TBC1D22A: variants seen among roughly 807,000 people sequenced by gnomAD.
TBC1D22A encodes putative GTPase activator.
In TBC1D22A, 38 loss-of-function variants were observed where a neutral mutation model predicts 60.2. The ratio of observed to expected loss-of-function variants is 0.63; its 90% confidence interval spans 0.49 to 0.83. TBC1D22A has a LOEUF of 0.83. TBC1D22A is among the 40% of genes least tolerant of loss of function. The pLI is 0.00. For missense variants in TBC1D22A, 628 were observed against 701.0 expected, an observed-to-expected ratio of 0.90 and a Z score of 1.18; for synonymous variants, 302 against 281.7, an observed-to-expected ratio of 1.07 and a Z score of -0.72.
intron 1 of TBC1D22A, among the ~76,000 whole-genome samples, chr22:46,769,250 A>T (rs1423199117): frequency 1.3e-5 from 2 of 152,208 alleles, no homozygotes; most frequent in Admixed American, 6.5e-5. Flanking sequence ...CAGAGCCACG[A>T]GATGTCTGTG....
intron 11 of TBC1D22A, among the ~76,000 whole-genome samples, chr22:47,092,031 A>G (rs867525628): frequency 1.3e-5 from 2 of 152,182 alleles, no homozygotes; most frequent in African/African-American, 4.8e-5. Context: ...TTGGAAGCTG[A>G]GGCAGGGACT....
At chr22:46,915,249 G>A (rs1022674823) in intron 8 of TBC1D22A, 3 of 365,176 alleles carry the variant, frequency 8.2e-6, no homozygotes, top group East Asian at 7.3e-5. Context: ...CCAGGGACCC[G>A]CAGGGTCCAG....
At chr22:46,897,277 A>G (rs2068726425) in intron 7 of TBC1D22A, among the ~76,000 whole-genome samples, 1 of 152,068 alleles carries the variant, frequency 6.6e-6, no homozygotes, top group African/African-American at 2.4e-5. Context: ...GGGTTTAAAT[A>G]CCCTCTAGAG....
At chr22:46,953,164 T>A (rs1253574357) in intron 8 of TBC1D22A, among the ~76,000 whole-genome samples, 2 of 152,218 alleles carry the variant, frequency 1.3e-5, no homozygotes, top group Non-Finnish European at 2.9e-5. Context: ...TTTTCCACAT[T>A]TAATTTATCC....
In TBC1D22A at chr22:46,793,736, G is replaced by T; in HGVS notation, c.355G>T (p.Gly119Trp). ...QGRPTLQEGP[G>W]LQQKPRPEAE... The stretch of plus-strand genomic sequence containing the variant: ...GCGGCCCACGCTGCAGGAGGGGCCA[G>T]GGCTTCAGCAGAAGCCCAGGCCCGA... The change falls in exon 3 of 13, where the codon GGG becomes TGG. Residue 119 changes from glycine (G) to tryptophan (W), a missense_variant. Transcript: ENST00000337137. 6.2e-7 allele frequency: 1 copy of T among 1,606,856 alleles called. No homozygotes were observed. Among genetic ancestry groups the T allele is most frequent in the South Asian group, 1.1e-5 (1 of 90,564 alleles).
intron 8 of TBC1D22A, among the ~76,000 whole-genome samples, chr22:46,917,761 C>T (rs56400936): frequency 0.025 from 3,807 of 152,098 alleles, 63 homozygotes; most frequent in South Asian, 0.07. Flanking sequence ...TGGAGTGCAG[C>T]GGGTCACAGG....
At chr22:47,066,998 G>T (rs936856596) in intron 11 of TBC1D22A, among the ~76,000 whole-genome samples, 1 of 152,180 alleles carries the variant, frequency 6.6e-6, no homozygotes, top group African/African-American at 2.4e-5. Flanking sequence ...AGGCGCGGTG[G>T]CTCACGCCTG....
rs539559912 is a variant in TBC1D22A, at chr22:46,993,914, C to G, written c.1126-3720C>G. Among the ~76,000 whole-genome samples the G allele has an allele frequency of 9.2e-5, 14 of 152,338 alleles. No homozygotes were observed. The South Asian group carries it at 2.1e-3, about 23-fold the overall frequency. On this transcript the variant is annotated intron_variant, in intron 9 of 12. Coordinates refer to ENST00000337137, the MANE Select transcript of TBC1D22A (RefSeq NM_014346.5). ...AGCCAGGAGGGCCCAGACCGACCCC[C>G]CTGTGTCTTAGCCTTGGCGCCTCGC...
chr22:46,902,973 A>T (rs1041159522), intron 7 of TBC1D22A, among the ~76,000 whole-genome samples: 1 of 151,372 alleles, frequency 6.6e-6, no homozygotes, highest in African/African-American at 2.5e-5. Flanking sequence ...TGGAGAAGAC[A>T]GCCCGAGGAG....
At chr22:46,915,482 G>A (rs184730604) in intron 8 of TBC1D22A, 7 of 456,696 alleles carry the variant, frequency 1.5e-5, no homozygotes, top group African/African-American at 4.0e-5. Flanking sequence ...TCATGTGACC[G>A]CTCATACACC....
intron 12 of TBC1D22A, among the ~76,000 whole-genome samples, chr22:47,127,445 G>A (rs1184603591): frequency 7.1e-6 from 1 of 140,580 alleles, no homozygotes; most frequent in Non-Finnish European, 1.5e-5. Context: ...GGCTGGTCTC[G>A]AACCCCTGAC....
intron 12 of TBC1D22A, among the ~76,000 whole-genome samples, chr22:47,167,246 G>A (rs1330084115): frequency 1.3e-5 from 2 of 152,224 alleles, no homozygotes; most frequent in East Asian, 3.9e-4. Context: ...GTGCACAGCG[G>A]GGAACCTTCA....
intron 12 of TBC1D22A, among the ~76,000 whole-genome samples, chr22:47,128,669 T>C (rs1027302679): frequency 1.4e-4 from 22 of 152,166 alleles, no homozygotes; most frequent in African/African-American, 5.1e-4. Context: ...CTCTCTGTGA[T>C]GGATACCACT....
intron 5 of TBC1D22A, among the ~76,000 whole-genome samples, chr22:46,890,207 C>T (rs553368373): frequency 1.3e-5 from 2 of 152,076 alleles, no homozygotes; most frequent in African/African-American, 4.8e-5. Flanking sequence ...GGCGTGGTGG[C>T]GGGTGCCTGT....
At chr22:46,957,524 G>T (rs947740506) in intron 8 of TBC1D22A, among the ~76,000 whole-genome samples, 4 of 152,188 alleles carry the variant, frequency 2.6e-5, no homozygotes, top group African/African-American at 9.6e-5. Context: ...AGAACAGCAT[G>T]GGGGAGACTG....
chr22:46,885,537 A>G (rs1293585838), intron 5 of TBC1D22A, among the ~76,000 whole-genome samples: 1 of 152,214 alleles, frequency 6.6e-6, no homozygotes, highest in African/African-American at 2.4e-5. Context: ...AATCTTATGT[A>G]ATTGTTATTG....
At chr22:47,033,086 A>G (rs2062535073) in intron 10 of TBC1D22A, among the ~76,000 whole-genome samples, 1 of 152,160 alleles carries the variant, frequency 6.6e-6, no homozygotes, top group Admixed American at 6.5e-5. Context: ...AAATGGAGTC[A>G]TTTTCTAAAC....
chr22:47,086,642 C>T (rs138463391), intron 11 of TBC1D22A, among the ~76,000 whole-genome samples: 128 of 152,254 alleles, frequency 8.4e-4, no homozygotes, highest in African/African-American at 2.8e-3. Context: ...AGTATTTTAT[C>T]ATAGGTAATA....
intron 1 of TBC1D22A, among the ~76,000 whole-genome samples, chr22:46,774,659 TCTGCTCAAGGCC>T (rs1333669395): frequency 6.6e-6 from 1 of 152,220 alleles, no homozygotes; most frequent in Admixed American, 6.5e-5. Context: ...AAGGTGGGCC[TCTGCTCAAGGCC>T]CCGAGCTCCT....
Sources: allele counts gnomAD v4.1 joint callset (sites outside exome capture counted in the v4.1 genomes callset), GRCh38; gene constraint gnomAD v4.1.1; transcripts MANE v1.5; gene names NCBI Gene and HGNC (gene_info 2026-07-23, HGNC 2026-07-21).